TTC3: variants seen among roughly 807,000 people sequenced by gnomAD.
The protein encoded by TTC3 is E3 ubiquitin-protein ligase TTC3.
In TTC3, 180 loss-of-function variants were observed where a neutral mutation model predicts 249.6. The observed-to-expected ratio is 0.72, with a 90% CI of 0.64 to 0.82. The LOEUF is 0.82. TTC3 is among the 40% of genes least tolerant of loss of function. The probability of loss-of-function intolerance (pLI) is 0.00; values close to 1 mark genes in which losing one functional copy is unlikely to be tolerated. For missense variants in TTC3, 2,061 were observed against 2,398.4 expected (o/e 0.86, Z 2.94); for synonymous variants, 717 against 805.0 (o/e 0.89, Z 1.85).
intron 9 of TTC3, 94 bp from the exon 10 acceptor site, chr21:37,096,487 A>T (rs2073955034): frequency 4.1e-6 from 4 of 980,396 alleles, no homozygotes; most frequent in Admixed American, 2.4e-5. Flanking sequence ...TGTAAAGTTT[A>T]AAAAAAGTTT....
chr21:37,171,458 G>A (rs1399874839), intron 34 of TTC3, among the ~76,000 whole-genome samples: 1 of 152,186 alleles, frequency 6.6e-6, no homozygotes, highest in Admixed American at 6.5e-5. Context: ...TCTCACAGAA[G>A]TATCGTGAAG....
exon 25 of TTC3, chr21:37,150,865 C>T (rs1005452032): frequency 1.2e-6 from 2 of 1,609,568 alleles, no homozygotes; most frequent in African/African-American, 2.7e-5. Context: ...AAGACCTATT[C>T]TGAAACAGAA....
At chr21:37,128,479 C>CT (rs912864442) in intron 15 of TTC3, among the ~76,000 whole-genome samples, 3 of 152,208 alleles carry the variant, frequency 2.0e-5, no homozygotes, top group African/African-American at 4.8e-5. Flanking sequence ...ACTCTCTACT[C>CT]TTGAGTTCAG....
At position 37,191,288 on chromosome 21, in the gene TTC3, T is replaced by A. The variant is rs2084058862; in HGVS notation, c.5025-46T>A. ...GATGTTTATTTGACCGTAAGTGCTT[T>A]TAATTTTTAAAATTTCTAAAGCAGT... On this transcript the variant is annotated intron_variant, in intron 39 of 45. Transcript: ENST00000355666. The A allele has an allele frequency of 2.1e-6, 3 of 1,406,856 alleles. No individual in the cohort carries two copies. The East Asian group carries it at 7.7e-5, about 36-fold the overall frequency. The allele number at this position is 1,406,856 out of a possible 1,614,324, so 87.1% of individuals were successfully genotyped here. A position where few individuals can be genotyped will look rare whatever the true frequency, so the allele number is the denominator to read the frequency against.
At chr21:37,144,415 G>A (rs2078801015) in intron 20 of TTC3, 110 bp from the exon 21 acceptor site, 5 of 1,281,496 alleles carry the variant, frequency 3.9e-6, no homozygotes, top group African/African-American at 1.5e-5. Context: ...GCTGTTCAGT[G>A]ATTCATCAAA....
chr21:37,115,142 CA>C (rs1454348419), intron 11 of TTC3, among the ~76,000 whole-genome samples: 12 of 149,550 alleles, frequency 8.0e-5, no homozygotes, highest in East Asian at 3.9e-4. Context: ...AACAAACCTG[CA>C]CGTTGTGCAC....
intron 22 of TTC3, 34 bp from the exon 23 acceptor site, chr21:37,148,512 A>C: frequency 2.3e-6 from 3 of 1,279,512 alleles, no homozygotes; most frequent in East Asian, 2.5e-5. Flanking sequence ...AGACATCTTT[A>C]AAACGTTAAT....
chr21:37,182,785 G>A lies in TTC3; in HGVS notation c.4629G>A (p.Thr1543=), dbSNP rs374828344. Residue 1543 remains threonine (T), a synonymous_variant, in exon 36 of 46, where the codon ACG becomes ACA. Coordinates refer to ENST00000355666, the Ensembl canonical transcript of TTC3. ...CTAAATGTTTTTAGATCTCAAAGAC[G>A]GAATTAGATTGGTTCCTTCAAGATT... The A allele has an allele frequency of 4.5e-5, 71 of 1,585,238 alleles. 1 individual carries two copies. Among genetic ancestry groups the A allele is most frequent in the South Asian group, 5.9e-5 (5 of 85,338 alleles).
chr21:37,148,877 A>C (rs751020432), intron 23 of TTC3, among the ~76,000 whole-genome samples: 3 of 152,158 alleles, frequency 2.0e-5, no homozygotes, highest in Non-Finnish European at 4.4e-5. Flanking sequence ...CCCAGGCTAG[A>C]GTGCAGTGGT....
chr21:37,113,434 T>A (rs915712987), intron 11 of TTC3, among the ~76,000 whole-genome samples: 61 of 152,280 alleles, frequency 4.0e-4, no homozygotes, highest in African/African-American at 1.3e-3. Flanking sequence ...TCCCATTCGC[T>A]ATTGCTTCAA....
chr21:37,101,952 ATTATT>A (rs1416835477), intron 10 of TTC3, among the ~76,000 whole-genome samples: 1 of 149,042 alleles, frequency 6.7e-6, no homozygotes. Flanking sequence ...TAGTATATAG[ATTATT>A]TTATTTACAA....
intron 16 of TTC3, among the ~76,000 whole-genome samples, chr21:37,131,303 G>T (rs981858526): frequency 2.0e-5 from 3 of 152,270 alleles, no homozygotes; most frequent in African/African-American, 7.2e-5. Context: ...GAGGAGGGGG[G>T]CTGGAAATTG....
chr21:37,108,214 A>G, intron 10 of TTC3, 178 bp from the exon 11 acceptor site: 1 of 506,484 alleles, frequency 2.0e-6, no homozygotes. Context: ...CCTTTGTTTT[A>G]TTTTTCTGTA....
chr21:37,112,561 T>C (rs9680298), intron 11 of TTC3, among the ~76,000 whole-genome samples: 100,003 of 151,938 alleles, frequency 0.66, 33,166 homozygotes, highest in Admixed American at 0.69. Flanking sequence ...AGCTTACCAA[T>C]CAAAAAAAGT....
At chr21:37,150,252 T>C (rs891910620) in intron 24 of TTC3, 82 bp downstream of exon 24, 16 of 982,116 alleles carry the variant, frequency 1.6e-5, no homozygotes, top group Non-Finnish European at 2.5e-5. Context: ...TTTGTAGATA[T>C]CATGTAATTT....
At chr21:37,134,319 C>G (rs900590853) in intron 17 of TTC3, among the ~76,000 whole-genome samples, 2 of 151,996 alleles carry the variant, frequency 1.3e-5, no homozygotes, top group Non-Finnish European at 2.9e-5. Context: ...GGTGTGGTGG[C>G]GTGCACCTGT....
chr21:37,159,314 GC>G (rs10712638), intron 28 of TTC3, among the ~76,000 whole-genome samples: 152,298 of 152,302 alleles, frequency 1, 76,147 homozygotes, highest in Non-Finnish European at 1. Flanking sequence ...TCCTTCGTGA[GC>G]CTTTGTTGCC....
chr21:37,156,578 AG>A, intron 27 of TTC3, 76 bp from the exon 28 acceptor site: 1 of 1,517,862 alleles, frequency 6.6e-7, no homozygotes, highest in East Asian at 2.3e-5. Flanking sequence ...AGCTGCTTTC[AG>A]AGATGTGAAA....
exon 27 of TTC3, chr21:37,153,272 G>A (rs2079656684): frequency 6.2e-7 from 1 of 1,610,674 alleles, no homozygotes; most frequent in Admixed American, 1.7e-5. Context: ...AAACTTAATA[G>A]CTTTGGTATG....
Sources: allele counts gnomAD v4.1 joint callset (sites outside exome capture counted in the v4.1 genomes callset), GRCh38; gene constraint gnomAD v4.1.1; transcripts MANE v1.5; gene names NCBI Gene and HGNC (gene_info 2026-07-23, HGNC 2026-07-21).